The following KALRN variants were observed in gnomAD, a reference collection of about 807,000 sequenced individuals.
The protein encoded by KALRN is kalirin.
A neutral mutation model predicts 353.7 loss-of-function variants in KALRN; 70 were observed. The observed-to-expected ratio is 0.20, with a 90% confidence interval of 0.16 to 0.24. KALRN has a LOEUF of 0.24. KALRN is among the 10% of genes least tolerant of loss of function. KALRN has a pLI of 1.00. For synonymous variants in KALRN, 1,391 were observed against 1,434.8 expected (o/e 0.97, Z 0.69); for missense variants, 2,791 against 3,756.7 (o/e 0.74, Z 6.72).
chr3:124,067,791 C>G (rs187945870), intron 1 of KALRN, among the ~76,000 whole-genome samples: 126 of 152,294 alleles, frequency 8.3e-4, no homozygotes, highest in African/African-American at 3.0e-3. Flanking sequence ...CTATGCTGGC[C>G]AGGGGAGCCA....
intron 32 of KALRN, among the ~76,000 whole-genome samples, chr3:124,495,965 G>GTATGTA (rs2063707218): frequency 2.4e-5 from 1 of 41,478 alleles, no homozygotes; most frequent in Non-Finnish European, 3.9e-5. Context: ...GTGTATGTAT[G>GTATGTA]TATATATATA....
intron 2 of KALRN, among the ~76,000 whole-genome samples, chr3:124,233,998 A>G (rs1388162847): frequency 1.3e-5 from 2 of 152,260 alleles, no homozygotes; most frequent in Non-Finnish European, 2.9e-5. Context: ...AAAATCATGT[A>G]ATAAATAGTG....
intron 13 of KALRN, among the ~76,000 whole-genome samples, chr3:124,400,146 A>G (rs954952321): frequency 6.6e-6 from 1 of 151,794 alleles, no homozygotes; most frequent in Non-Finnish European, 1.5e-5. Flanking sequence ...TTTTTTTTTT[A>G]ATATATCGAA....
chr3:124,082,304 G>A, intron 1 of KALRN: 3 of 471,044 alleles, frequency 6.4e-6, no homozygotes, highest in Non-Finnish European at 1.3e-5. Context: ...TAATCTCCAA[G>A]GGAAAAGTTG....
Position 124,455,159 on chromosome 3 carries a change from G to A in KALRN, c.3553-18G>A. On this transcript the variant is annotated intron_variant, in intron 21 of 59. Coordinates refer to ENST00000682506, the MANE Select transcript of KALRN (RefSeq NM_001388419.1). The stretch of plus-strand genomic sequence containing the variant: ...GAATAAATGTAATCCAGTAACTTAA[G>A]GCCATCTTTTGGGGCAGCAAACAAA... The A allele has an allele frequency of 1.2e-6, 2 of 1,613,734 alleles. No individual in the cohort carries two copies. Among genetic ancestry groups the A allele is most frequent in the Non-Finnish European group, 1.7e-6 (2 of 1,179,770 alleles).
intron 1 of KALRN, among the ~76,000 whole-genome samples, chr3:124,069,097 A>G (rs553749629): frequency 7.9e-5 from 12 of 152,316 alleles, no homozygotes; most frequent in Non-Finnish European, 1.6e-4. Context: ...TATAAAATTG[A>G]GCATTTTCAC....
At chr3:124,582,932 G>T (rs1039548399) in intron 34 of KALRN, among the ~76,000 whole-genome samples, 1 of 152,106 alleles carries the variant, frequency 6.6e-6, no homozygotes, top group Non-Finnish European at 1.5e-5. Context: ...ACCAAGCACC[G>T]CTCATTTATG....
chr3:124,278,879 C>A (rs768784595), intron 5 of KALRN, among the ~76,000 whole-genome samples: 1 of 152,118 alleles, frequency 6.6e-6, no homozygotes, highest in Non-Finnish European at 1.5e-5. Context: ...GGGTAGGAAG[C>A]TTTCCCAAGG....
At position 124,307,991 on chromosome 3, in the gene KALRN, A is replaced by G. The variant is rs571577759; in HGVS notation, c.1092+9078A>G. Reference sequence around the variant, plus strand: ...AAAAACATGTATTATGCAAACAGCAATCAGAAGAATAGCCAAGTGACTATA... The same window carrying G: ...AAAAACATGTATTATGCAAACAGCAGTCAGAAGAATAGCCAAGTGACTATA... On this transcript the variant is annotated intron_variant, in intron 6 of 59. Transcript: ENST00000682506. Among the ~76,000 whole-genome samples, 23 of 152,170 alleles carry G rather than the reference A, an allele frequency of 1.5e-4. No individual in the cohort carries two copies. The South Asian group carries it at 4.8e-3, about 31-fold the overall frequency.
At chr3:124,144,671 ATCCTCC>A (rs1425551976) in intron 1 of KALRN, among the ~76,000 whole-genome samples, 34 of 118,750 alleles carry the variant, frequency 2.9e-4, no homozygotes, top group African/African-American at 9.4e-4. Context: ...CCTCTTCCTC[ATCCTCC>A]TCCTCTTCCT....
intron 34 of KALRN, among the ~76,000 whole-genome samples, chr3:124,575,588 A>T (rs1056369981): frequency 6.6e-6 from 1 of 152,234 alleles, no homozygotes; most frequent in Non-Finnish European, 1.5e-5. Context: ...GAAATGCAAC[A>T]TGAGTCCCCA....
At chr3:124,147,373 G>A (rs113228587) in intron 1 of KALRN, among the ~76,000 whole-genome samples, 1 of 152,162 alleles carries the variant, frequency 6.6e-6, no homozygotes, top group Non-Finnish European at 1.5e-5. Context: ...GAGAGACAGA[G>A]TGTGGACTTT....
Position 124,574,050 on chromosome 3 carries a change from A to C in KALRN, c.5182+10961A>C, listed in dbSNP as rs1349605695. On this transcript the variant is annotated intron_variant, in intron 34 of 59. Coordinates refer to ENST00000682506, the MANE Select transcript of KALRN (RefSeq NM_001388419.1). ...GTGAGTGTTGGGTGTATATGAGGGG[A>C]CCACTCTTTAATTCAAAGAAGAGCA... is the stretch of plus-strand genomic sequence containing the variant. 2.0e-5 allele frequency among the ~76,000 whole-genome samples: 3 copies of C among 152,100 alleles called. No homozygotes were observed. In the East Asian group the frequency reaches 5.8e-4, roughly 29 times the overall value.
At chr3:124,091,561 A>G (rs1260494306) in intron 1 of KALRN, among the ~76,000 whole-genome samples, 2 of 152,208 alleles carry the variant, frequency 1.3e-5, no homozygotes, top group South Asian at 2.1e-4. Context: ...AGTGCCAAGG[A>G]AAGAAGAAGG....
chr3:124,040,114 A>G (rs1457679215), intron 1 of KALRN, among the ~76,000 whole-genome samples: 2 of 152,218 alleles, frequency 1.3e-5, no homozygotes, highest in African/African-American at 2.4e-5. Flanking sequence ...TTACTGGTAC[A>G]TACTGTCCAG....
chr3:124,183,006 C>T (rs1252004107), intron 1 of KALRN, among the ~76,000 whole-genome samples: 1 of 152,106 alleles, frequency 6.6e-6, no homozygotes, highest in Non-Finnish European at 1.5e-5. Context: ...TTGTGCCCTT[C>T]CCAAATTCAT....
chr3:124,054,999 C>T (rs1487231148), intron 1 of KALRN, among the ~76,000 whole-genome samples: 2 of 151,992 alleles, frequency 1.3e-5, no homozygotes, highest in African/African-American at 4.8e-5. Context: ...ACCATCAGGA[C>T]CCTTGAACTT....
chr3:124,699,283 C>T (rs1033106513), intron 55 of KALRN, among the ~76,000 whole-genome samples: 2 of 152,160 alleles, frequency 1.3e-5, no homozygotes, highest in East Asian at 3.8e-4. Flanking sequence ...TAACTAAGTT[C>T]TCTTGGGCAA....
At chr3:124,420,427 G>A (rs1324508597) in intron 14 of KALRN, among the ~76,000 whole-genome samples, 2 of 152,220 alleles carry the variant, frequency 1.3e-5, no homozygotes, top group Admixed American at 6.5e-5. Flanking sequence ...TTCTGCAGAT[G>A]GATCTTAAAT....
Sources: allele counts gnomAD v4.1 joint callset (sites outside exome capture counted in the v4.1 genomes callset), GRCh38; gene constraint gnomAD v4.1.1; transcripts MANE v1.5; gene names NCBI Gene and HGNC (gene_info 2026-07-23, HGNC 2026-07-21).